Variants in LRRC71 observed in about 807,000 individuals in gnomAD.
LRRC71 encodes the protein leucine-rich repeat-containing protein 71.
In LRRC71, 54 loss-of-function variants were observed where a neutral mutation model predicts 66.6. The ratio of observed to expected loss-of-function variants is 0.81; its 90% CI spans 0.65 to 1.02. The LOEUF (loss-of-function observed/expected upper bound fraction) is 1.02. LRRC71 is among the 50% of genes least tolerant of loss of function. The probability of loss-of-function intolerance (pLI) is 0.00; values close to 1 mark genes in which losing one functional copy is unlikely to be tolerated. For synonymous variants in LRRC71, 323 were observed against 303.9 expected, an observed-to-expected ratio of 1.06 and a Z score of -0.65; for missense variants, 724 against 718.0, an observed-to-expected ratio of 1.01 and a Z score of -0.10.
At chr1:156,938,482 T>C in the LRRC71 span, 2 of 1,613,468 alleles carry the variant, frequency 1.2e-6, no homozygotes, top group African/African-American at 2.7e-5. Flanking sequence ...TCTCTGGTAG[T>C]GCAGGGACAA....
intron 7 of LRRC71, 34 bp downstream of exon 7, chr1:156,927,689 C>T: frequency 6.2e-7 from 1 of 1,606,708 alleles, no homozygotes; most frequent in African/African-American, 1.3e-5. Flanking sequence ...CTGCTGGGAG[C>T]AGGGGCGGCT....
In LRRC71 at chr1:156,927,268, C is replaced by T; in HGVS notation, c.660C>T (p.Ser220=). 6.2e-7 allele frequency: 1 copy of T among 1,613,618 alleles called. No homozygotes were observed. The highest frequency in any genetic ancestry group is 8.5e-7 in the Non-Finnish European group (1 of 1,179,626). Residue 220 remains serine (S), a splice_region_variant and synonymous_variant, in exon 6 of 15, where the codon AGC becomes AGT. Transcript: ENST00000337428. ...QSYHKLMALD[S]TIAHLSLRNN... is the part of the protein sequence containing the mutation. ...ATCACAAGCTCATGGCCTTGGACAG[C>T]ACGTGAGACTCCCTGCCCTCACCCC... is the stretch of plus-strand genomic sequence containing the variant.
chr1:156,927,235 G>C lies in LRRC71; in HGVS notation c.627G>C (p.Glu209Asp). Residue 209 changes from glutamate to aspartate, a missense_variant, in exon 6 of 15, where the codon GAG becomes GAC. Glu to Asp is a conservative substitution (Grantham distance 45). Transcript: ENST00000337428. ...KVSLEGNPLP[E>D]QSYHKLMALD... ...CTCTGGAGGGGAACCCACTGCCGGAGCAGTCCTATCACAAGCTCATGGCCT... is the reference window on the plus strand; with the variant it reads ...CTCTGGAGGGGAACCCACTGCCGGACCAGTCCTATCACAAGCTCATGGCCT... 1 of 1,613,648 alleles carries C rather than the reference G, an allele frequency of 6.2e-7. No individual in the cohort carries two copies. Among genetic ancestry groups the C allele is most frequent in the Non-Finnish European group, 8.5e-7 (1 of 1,179,766 alleles).
At position 156,924,752 on chromosome 1, in the gene LRRC71, G is replaced by T. The variant is rs753755305; in HGVS notation, c.515+34G>T. On this transcript the variant is annotated intron_variant, in intron 4 of 14. Coordinates refer to ENST00000337428, the MANE Select transcript of LRRC71 (RefSeq NM_144702.3). Reference sequence around the variant, plus strand: ...CACTGAGGGGATGGGCGGGGGACCAGAGTGGGAGTTGGGGCTCCTGGTGGC... The same window carrying T: ...CACTGAGGGGATGGGCGGGGGACCATAGTGGGAGTTGGGGCTCCTGGTGGC... 18 of 1,549,710 alleles carry T rather than the reference G, an allele frequency of 1.2e-5. No homozygotes were observed. The South Asian group carries it at 1.9e-4, about 16-fold the overall frequency.
chr1:156,930,038 TTCTTTC>T lies in LRRC71; in HGVS notation c.1240+317_1240+322del, dbSNP rs1329876751. On this transcript the variant is annotated intron_variant, in intron 11 of 14. Coordinates refer to ENST00000337428, the MANE Select transcript of LRRC71 (RefSeq NM_144702.3). ...CTTTTTTCTTTTCTTTTCTTTTTCT[TTCTTTC>T]TCTTTCTTTCTTTCTTTTTCTTTCT... Among the ~76,000 whole-genome samples, 5 of 140,634 alleles carry T rather than the reference TTCTTTC, an allele frequency of 3.6e-5. No individual in the cohort carries two copies. In the East Asian group the frequency reaches 9.0e-4, roughly 25 times the overall value. The allele number at this position is 140,634 out of a possible 152,430, so 92.3% of individuals were successfully genotyped here.
chr1:156,924,765 G>T (rs2101604769), intron 4 of LRRC71, 47 bp downstream of exon 4: 1 of 1,544,648 alleles, frequency 6.5e-7, no homozygotes, highest in South Asian at 1.2e-5. Flanking sequence ...TGGGAGTTGG[G>T]GCTCCTGGTG....
At chr1:156,937,419 G>T (rs775939790), downstream of LRRC71, 22 of 1,581,182 alleles carry the variant, frequency 1.4e-5, no homozygotes, top group Non-Finnish European at 1.8e-5. Context: ...TCAGGCTGAG[G>T]GGGGCTCATG....
At chr1:156,935,727 T>C, downstream of LRRC71, 1 of 458,008 alleles carries the variant, frequency 2.2e-6, no homozygotes, top group Admixed American at 3.9e-5. Flanking sequence ...CAGACCATGG[T>C]GAGTGGGGGC....
chr1:156,929,768 G>C, intron 11 of LRRC71, 39 bp downstream of exon 11: 2 of 1,512,234 alleles, frequency 1.3e-6, no homozygotes, highest in African/African-American at 1.4e-5. Context: ...TTCCTGTGTG[G>C]AGGAGGGAAG....
intron 5 of LRRC71, among the ~76,000 whole-genome samples, chr1:156,926,254 A>G (rs529086098): frequency 9.8e-5 from 15 of 152,334 alleles, no homozygotes; most frequent in African/African-American, 3.6e-4. Flanking sequence ...CTGTGAGATG[A>G]CCTGGGGGTG....
chr1:156,920,721 C>T lies in LRRC71; in HGVS notation c.-83C>T. 2 of 1,343,076 alleles carry T rather than the reference C, an allele frequency of 1.5e-6. No individual in the cohort carries two copies. The highest frequency in any genetic ancestry group is 1.5e-5 in the African/African-American group (1 of 66,088). The allele number at this position is 1,343,076 out of a possible 1,614,324, so 83.2% of individuals were successfully genotyped here. A position where few individuals can be genotyped will look rare whatever the true frequency, so the allele number is the denominator to read the frequency against. ...CGGAACAGAGATCCCCTGATTCAGC[C>T]ACCCCCAGACTGAGCCCCGTAGAGT... is the stretch of plus-strand genomic sequence containing the variant. On this transcript the variant is annotated 5_prime_UTR_variant, in exon 1 of 15. Coordinates refer to ENST00000337428, the MANE Select transcript of LRRC71 (RefSeq NM_144702.3). This position sits in a 1 kb window ranked among gnomAD's most constrained non-coding sequence, Gnocchi z 4.9.
In LRRC71 at chr1:156,920,980, G is replaced by T; in HGVS notation, c.160+17G>T. On this transcript the variant is annotated intron_variant, in intron 1 of 14. Coordinates refer to ENST00000337428, the MANE Select transcript of LRRC71 (RefSeq NM_144702.3). This position sits in a 1 kb window ranked among gnomAD's most constrained non-coding sequence, Gnocchi z 4.9. ...AAAGCCCTGGTACGCTGGCGCCGGG[G>T]TTTGGGGATCGGGCTTCCAGGCTGC... The T allele has an allele frequency of 6.7e-7, 1 of 1,488,086 alleles. No individual in the cohort carries two copies. Among genetic ancestry groups the T allele is most frequent in the African/African-American group, 1.4e-5 (1 of 70,250 alleles). The allele number at this position is 1,488,086 out of a possible 1,614,324, so 92.2% of individuals were successfully genotyped here.
At chr1:156,929,008 T>C (rs1653859686) in intron 9 of LRRC71, among the ~76,000 whole-genome samples, 1 of 152,172 alleles carries the variant, frequency 6.6e-6, no homozygotes, top group Non-Finnish European at 1.5e-5. Context: ...CTTAGCTCAA[T>C]AAAAGCTGTT....
chr1:156,939,799 C>T, the LRRC71 span: 1 of 1,613,702 alleles, frequency 6.2e-7, no homozygotes, highest in East Asian at 2.2e-5. Context: ...AGAGGTGACG[C>T]TGATGACAGA....
rs114544580 is a variant in LRRC71, at chr1:156,933,034, G to A, written c.*65G>A. On this transcript the variant is annotated 3_prime_UTR_variant, in exon 15 of 15. Coordinates refer to ENST00000337428, the MANE Select transcript of LRRC71 (RefSeq NM_144702.3). The stretch of plus-strand genomic sequence containing the variant: ...GAAGCACCTCCTGTCCCTGTGTGGG[G>A]TGACCTCCCTGGGGGAGATCTCAGA... 2,282 of 1,222,516 alleles carry A rather than the reference G, an allele frequency of 1.9e-3. 25 individuals are homozygous for A. The African/African-American group carries it at 0.028, about 15-fold the overall frequency. 75.7% of individuals were successfully genotyped at this position (1,222,516 alleles called of 1,614,324 possible).
chr1:156,940,330 G>A, the LRRC71 span: 6 of 1,613,948 alleles, frequency 3.7e-6, no homozygotes, highest in Non-Finnish European at 5.1e-6. Flanking sequence ...GGGCAAGGCA[G>A]GACACCCAGT....
downstream of LRRC71, chr1:156,937,055 G>T (rs1469909650): frequency 1.3e-6 from 2 of 1,594,338 alleles, no homozygotes; most frequent in Admixed American, 3.4e-5. Context: ...TATTCCTAAG[G>T]CCCCTGGGGA....
intron 13 of LRRC71, 144 bp from the exon 14 acceptor site, chr1:156,932,280 A>AG (rs1387034377): frequency 1.4e-6 from 1 of 702,316 alleles, no homozygotes; most frequent in South Asian, 1.8e-5. Flanking sequence ...AGCTGAGTGA[A>AG]GGGCTAGGTC....
At position 156,920,936 on chromosome 1, in the gene LRRC71, G is replaced by C. The variant is rs756765835; in HGVS notation, c.133G>C (p.Val45Leu). ...KEKPATVLPP[V>L]GEEEPKSPEE... ...GAAGCCAGCGACCGTTCTGCCTCCC[G>C]TGGGGGAGGAGGAGCCCAAAAGCCC... is the stretch of plus-strand genomic sequence containing the variant. Residue 45 changes from valine to leucine, a missense_variant, in exon 1 of 15, where the codon GTG becomes CTG. Transcript: ENST00000337428. The surrounding 1 kb of genome is among the most constrained non-coding windows in gnomAD (Gnocchi z 4.9). The C allele has an allele frequency of 6.5e-7, 1 of 1,537,174 alleles. No individual in the cohort carries two copies. Among genetic ancestry groups the C allele is most frequent in the Non-Finnish European group, 8.8e-7 (1 of 1,140,132 alleles).
Sources: gnomAD v4.1 joint callset for allele counts (sites outside exome capture counted in the v4.1 genomes callset) on GRCh38, gnomAD v4.1.1 for gene constraint, Gnocchi (gnomAD v3.1) non-coding constraint, MANE v1.5 for transcripts, NCBI Gene and HGNC (gene_info 2026-07-23, HGNC 2026-07-21) for gene names.